LOC400499: variants seen among roughly 807,000 people sequenced by gnomAD.
chr16:11,510,613 G>A, the LOC400499 span, among the ~76,000 whole-genome samples: 1 of 151,644 alleles, frequency 6.6e-6, no homozygotes, highest in African/African-American at 2.4e-5. Context: ...CCTCCCAGGA[G>A]GGTGTCAGCC....
the LOC400499 span, among the ~76,000 whole-genome samples, chr16:11,425,807 C>A: frequency 6.6e-6 from 1 of 152,070 alleles, no homozygotes; most frequent in Non-Finnish European, 1.5e-5. Context: ...CATACAAACT[C>A]GTTCAGAAAA....
the LOC400499 span, among the ~76,000 whole-genome samples, chr16:11,466,203 A>C: frequency 1.3e-5 from 2 of 152,226 alleles, no homozygotes; most frequent in Admixed American, 6.5e-5. Flanking sequence ...ATCACCAAAA[A>C]ATCCCTAACA....
At chr16:11,403,195 A>G in the LOC400499 span, among the ~76,000 whole-genome samples, 1 of 152,124 alleles carries the variant, frequency 6.6e-6, no homozygotes, top group African/African-American at 2.4e-5. Context: ...AGCTCTGTAC[A>G]AAGGGCACCC....
the LOC400499 span, among the ~76,000 whole-genome samples, chr16:11,375,313 C>CTT: frequency 8.9e-4 from 93 of 104,362 alleles, 10 homozygotes; most frequent in African/African-American, 3.6e-3. Flanking sequence ...CCTCCATGTA[C>CTT]TTTTTTTTTT....
chr16:11,413,447 G>A, the LOC400499 span, among the ~76,000 whole-genome samples: 2 of 152,100 alleles, frequency 1.3e-5, no homozygotes, highest in African/African-American at 4.8e-5. Flanking sequence ...AAGCATTGGC[G>A]CCTGGCTCTA....
the LOC400499 span, among the ~76,000 whole-genome samples, chr16:11,458,940 G>A: frequency 4.6e-5 from 7 of 151,758 alleles, no homozygotes; most frequent in Non-Finnish European, 7.4e-5. Context: ...AGGAGGCTGA[G>A]GCTGGAGAAT....
the LOC400499 span, chr16:11,443,370 G>T: frequency 4.9e-6 from 2 of 410,186 alleles, no homozygotes; most frequent in Non-Finnish European, 9.4e-6. Flanking sequence ...GATCGGAGGG[G>T]TCTGTGCATG....
the LOC400499 span, among the ~76,000 whole-genome samples, chr16:11,482,001 G>A: frequency 2.6e-3 from 391 of 152,212 alleles, 1 homozygote; most frequent in African/African-American, 8.6e-3. Context: ...AAGAGTATGC[G>A]GTGAATGATT....
the LOC400499 span, among the ~76,000 whole-genome samples, chr16:11,434,363 A>G: frequency 3.9e-4 from 60 of 152,302 alleles, no homozygotes; most frequent in African/African-American, 1.3e-3. Flanking sequence ...TCCTACAAAA[A>G]AAGTACAAAA....
At chr16:11,460,501 T>C in the LOC400499 span, 2 of 1,532,470 alleles carry the variant, frequency 1.3e-6, no homozygotes, top group African/African-American at 1.4e-5. Context: ...CTAGGATCTG[T>C]GTGCAGTGGA....
the LOC400499 span, among the ~76,000 whole-genome samples, chr16:11,477,406 T>C: frequency 6.6e-6 from 1 of 152,202 alleles, no homozygotes; most frequent in Non-Finnish European, 1.5e-5. Context: ...TCTGGCGCCA[T>C]GTGGCCCCAG....
chr16:11,518,863 C>G, the LOC400499 span: 1 of 399,184 alleles, frequency 2.5e-6, no homozygotes, highest in Non-Finnish European at 4.4e-6. Flanking sequence ...CCAGCCCCAT[C>G]GTGAGCAGGT....
chr16:11,432,963 CT>C, the LOC400499 span, among the ~76,000 whole-genome samples: 2 of 152,196 alleles, frequency 1.3e-5, no homozygotes, highest in East Asian at 1.9e-4. Context: ...TCCTTTCCCC[CT>C]AGCTTCCTCG....
the LOC400499 span, among the ~76,000 whole-genome samples, chr16:11,456,261 T>C: frequency 3.9e-5 from 6 of 152,170 alleles, no homozygotes; most frequent in Admixed American, 2.6e-4. Context: ...GCCAGGCTGA[T>C]CTTGAACTCC....
the LOC400499 span, chr16:11,462,099 A>AG: frequency 5.4e-6 from 8 of 1,473,200 alleles, no homozygotes; most frequent in Middle Eastern, 8.7e-4. Flanking sequence ...AGGGGACAGA[A>AG]GGGGTCTCAT....
chr16:11,400,473 ACT>A, the LOC400499 span, among the ~76,000 whole-genome samples: 1 of 124,166 alleles, frequency 8.1e-6, no homozygotes, highest in African/African-American at 3.2e-5. Context: ...AGACTGTCTC[ACT>A]CTGTTACCAG....
chr16:11,461,049 C>G, the LOC400499 span: 6 of 1,536,148 alleles, frequency 3.9e-6, no homozygotes, highest in Non-Finnish European at 5.2e-6. Flanking sequence ...GCCCCACCAG[C>G]CCTGGCACAA....
At chr16:11,458,273 G>C in the LOC400499 span, among the ~76,000 whole-genome samples, 1 of 152,180 alleles carries the variant, frequency 6.6e-6, no homozygotes, top group Admixed American at 6.5e-5. Flanking sequence ...CTTGAACCCA[G>C]AGGCAGAAGT....
At chr16:11,487,358 C>T in the LOC400499 span, 2 of 399,444 alleles carry the variant, frequency 5.0e-6, no homozygotes. Flanking sequence ...GAAGGGTCCC[C>T]TCCAGGTTGG....
Sources: gnomAD v4.1 joint callset for allele counts (sites outside exome capture counted in the v4.1 genomes callset) on GRCh38, gnomAD v4.1.1 for gene constraint, MANE v1.5 for transcripts.